PFDN1: variants seen among roughly 807,000 people sequenced by gnomAD.
The protein encoded by PFDN1 is prefoldin subunit 1, also known as prefoldin 1.
In PFDN1, 6 loss-of-function variants were observed where a neutral mutation model predicts 17.3. The observed-to-expected ratio is 0.35, with a 90% CI of 0.19 to 0.69. The LOEUF (loss-of-function observed/expected upper bound fraction) is 0.69, where lower values mean the gene tolerates loss of function less well. Among genes scored for constraint, PFDN1 ranks in the 30% least tolerant of loss-of-function variants. PFDN1 has a pLI of 0.65. For missense variants in PFDN1, 113 were observed against 146.2 expected (o/e 0.77, Z 1.17); for synonymous variants, 58 against 50.1 (o/e 1.16, Z -0.67).
intron 2 of PFDN1, 147 bp downstream of exon 2, chr5:140,300,269 T>G (rs1765722469): frequency 1.7e-6 from 1 of 592,026 alleles, no homozygotes; most frequent in South Asian, 2.2e-5. Context: ...CCTCAAGTGA[T>G]CCACTCGCCT....
chr5:140,278,583 A>AC (rs1765340138), intron 3 of PFDN1, among the ~76,000 whole-genome samples: 2 of 135,534 alleles, frequency 1.5e-5, no homozygotes, highest in East Asian at 4.3e-4. Flanking sequence ...AAAAAAAAAA[A>AC]AAAACAAAAA....
intron 3 of PFDN1, among the ~76,000 whole-genome samples, chr5:140,250,252 A>C (rs1764893911): frequency 6.6e-6 from 1 of 152,248 alleles, no homozygotes; most frequent in East Asian, 1.9e-4. Context: ...CCTCACCTCC[A>C]ACAACTCTTC....
intron 3 of PFDN1, among the ~76,000 whole-genome samples, chr5:140,269,729 A>G: frequency 6.6e-6 from 1 of 152,194 alleles, no homozygotes; most frequent in Middle Eastern, 3.2e-3. Context: ...CTAAAATGGA[A>G]ACTCAGAAAA....
Position 140,300,602 on chromosome 5 carries a change from G to T in PFDN1, c.34-20C>A. On this transcript the variant is annotated intron_variant, in intron 1 of 3. Transcript: ENST00000261813. Reference sequence around the variant, plus strand: ...GAAGGCCTAATAAAAACAAGTCCATGATTTAGTAGGTAAAACATTTTACAG... The same window carrying T: ...GAAGGCCTAATAAAAACAAGTCCATTATTTAGTAGGTAAAACATTTTACAG... 2 of 1,540,924 alleles carry T rather than the reference G, an allele frequency of 1.3e-6. No individual in the cohort carries two copies. The highest frequency in any genetic ancestry group is 1.8e-6 in the Non-Finnish European group (2 of 1,133,658).
At chr5:140,252,913 G>A (rs1055537392) in intron 3 of PFDN1, among the ~76,000 whole-genome samples, 3 of 152,202 alleles carry the variant, frequency 2.0e-5, no homozygotes, top group Non-Finnish European at 4.4e-5. Flanking sequence ...GCCAACAGAG[G>A]CAGGCAAAAC....
At chr5:140,293,363 A>G (rs1007431748) in intron 2 of PFDN1, among the ~76,000 whole-genome samples, 15 of 151,990 alleles carry the variant, frequency 9.9e-5, no homozygotes, top group African/African-American at 3.6e-4. Context: ...TGCAGAAGCA[A>G]GCAAAGTCCA....
In PFDN1 at chr5:140,272,274, C is replaced by T. The variant is rs1429507968; in HGVS notation, c.285+9175G>A. 2.6e-5 allele frequency among the ~76,000 whole-genome samples: 4 copies of T among 151,864 alleles called. No homozygotes were observed. In the South Asian group the frequency reaches 8.3e-4, roughly 31 times the overall value. The stretch of plus-strand genomic sequence containing the variant: ...ACCTCAGGTGATCTGCCCGCCTCAG[C>T]CTCCCAAAGTGCTGGGATTACAGGC... On this transcript the variant is annotated intron_variant, in intron 3 of 3. Coordinates refer to ENST00000261813, the MANE Select transcript of PFDN1 (RefSeq NM_002622.5).
chr5:140,286,605 G>C (rs76024514), intron 2 of PFDN1, among the ~76,000 whole-genome samples: 87 of 18,340 alleles, frequency 4.7e-3, no homozygotes, highest in African/African-American at 0.014. Flanking sequence ...TGCGGGGGGG[G>C]GGGGGGGGGG....
chr5:140,289,055 G>A (rs1444764689), intron 2 of PFDN1, among the ~76,000 whole-genome samples: 1 of 152,182 alleles, frequency 6.6e-6, no homozygotes, highest in Non-Finnish European at 1.5e-5. Flanking sequence ...GGAGGCTGAG[G>A]TGAGGGGATC....
intron 3 of PFDN1, among the ~76,000 whole-genome samples, chr5:140,265,399 T>C (rs1422583957): frequency 1.3e-5 from 2 of 151,960 alleles, no homozygotes. Flanking sequence ...CCAGCTATAC[T>C]TTTCCCTTAG....
intron 2 of PFDN1, among the ~76,000 whole-genome samples, chr5:140,297,529 G>A (rs184227849): frequency 6.6e-6 from 1 of 152,296 alleles, no homozygotes; most frequent in Admixed American, 6.5e-5. Flanking sequence ...GTGAGATGCA[G>A]ACAGCACTAA....
rs147197314 is a variant in PFDN1 at position 140,253,109 on chromosome 5, T to A, written c.286-7052A>T. 1.7e-3 allele frequency among the ~76,000 whole-genome samples: 262 copies of A among 152,312 alleles called. 1 individual carries two copies. The highest frequency in any genetic ancestry group is 6.1e-3 in the African/African-American group (252 of 41,560). On this transcript the variant is annotated intron_variant, in intron 3 of 3. Coordinates refer to ENST00000261813, the MANE Select transcript of PFDN1 (RefSeq NM_002622.5). ...TGGAGCAGGAGAATAAAGAGAAATC[T>A]CGGAAGGAGTTACTGTCCCTGCATC...
chr5:140,297,464 C>A (rs1386063211), intron 2 of PFDN1, among the ~76,000 whole-genome samples: 3 of 152,184 alleles, frequency 2.0e-5, no homozygotes, highest in Non-Finnish European at 2.9e-5. Flanking sequence ...AGCCAAACAA[C>A]AAACGCTATT....
At chr5:140,281,283 G>A in intron 3 of PFDN1, 166 bp downstream of exon 3, 2 of 521,706 alleles carry the variant, frequency 3.8e-6, no homozygotes, top group Non-Finnish European at 3.4e-6. Flanking sequence ...GGTCTTATAT[G>A]CGCTATGAAT....
intron 3 of PFDN1, 21 bp downstream of exon 3, chr5:140,281,428 C>G (rs1224163904): frequency 9.4e-7 from 1 of 1,064,928 alleles, no homozygotes; most frequent in South Asian, 1.3e-5. Flanking sequence ...AAGTTAACTC[C>G]TATTGCCAAT....
At chr5:140,289,663 T>C (rs1765549835) in intron 2 of PFDN1, among the ~76,000 whole-genome samples, 2 of 152,170 alleles carry the variant, frequency 1.3e-5, no homozygotes, top group South Asian at 4.1e-4. Context: ...TCAACCACTA[T>C]CACCTGCACC....
At chr5:140,283,240 T>C (rs1406427649) in intron 2 of PFDN1, among the ~76,000 whole-genome samples, 4 of 149,114 alleles carry the variant, frequency 2.7e-5, no homozygotes, top group Admixed American at 2.7e-4. Flanking sequence ...GCCCAGATAA[T>C]TTTTTTTTTT....
chr5:140,245,731 T>C lies in PFDN1; in HGVS notation c.*243A>G. ...GCCCTGGCTCCCATCTTCCCTCTCC[T>C]GGGAGTTCATCACACATCCCGAGAG... On this transcript the variant is annotated 3_prime_UTR_variant, in exon 4 of 4. Transcript: ENST00000261813. The C allele has an allele frequency of 1.6e-6, 1 of 612,146 alleles. No individual in the cohort carries two copies. The highest frequency in any genetic ancestry group is 2.9e-6 in the Non-Finnish European group (1 of 344,382). The allele number at this position is 612,146 out of a possible 1,614,324, so 37.9% of individuals were successfully genotyped here.
chr5:140,273,725 G>A (rs1036732227), intron 3 of PFDN1: 2 of 157,708 alleles, frequency 1.3e-5, no homozygotes, highest in African/African-American at 4.8e-5. Context: ...GCAACATTCT[G>A]CATCAGAAGT....
Sources: gnomAD v4.1 joint callset for allele counts (sites outside exome capture counted in the v4.1 genomes callset) on GRCh38, gnomAD v4.1.1 for gene constraint, MANE v1.5 for transcripts, NCBI Gene and HGNC (gene_info 2026-07-23, HGNC 2026-07-21) for gene names.